The following DPH6 variants were observed in gnomAD, a reference collection of about 807,000 sequenced individuals.
The protein encoded by DPH6 is diphthine--ammonia ligase.
Under a neutral mutation model 38.2 loss-of-function variants are expected in DPH6, and 33 were observed. That is an observed-to-expected ratio of 0.86 (90% CI 0.65 to 1.15). The LOEUF is 1.15. DPH6 is among the 50% of genes most tolerant of loss of function. The pLI is 0.00. For synonymous variants in DPH6, 108 were observed against 103.0 expected, an observed-to-expected ratio of 1.05 and a Z score of -0.30; for missense variants, 325 against 320.0, an observed-to-expected ratio of 1.02 and a Z score of -0.12.
chr15:35,530,205 G>A (rs2141254411), intron 3 of DPH6, among the ~76,000 whole-genome samples: 1 of 151,720 alleles, frequency 6.6e-6, no homozygotes, highest in Non-Finnish European at 1.5e-5. Flanking sequence ...TGAAGTAGAA[G>A]ACTATAGGAC....
chr15:35,429,673 C>T (rs946608218), intron 5 of DPH6, among the ~76,000 whole-genome samples: 4 of 152,014 alleles, frequency 2.6e-5, no homozygotes, highest in African/African-American at 9.7e-5. Flanking sequence ...ACCACCCTTA[C>T]ATACACACAT....
chr15:35,294,975 T>G (rs2052005721), intron 3 of DPH6, among the ~76,000 whole-genome samples: 1 of 152,172 alleles, frequency 6.6e-6, no homozygotes, highest in African/African-American at 2.4e-5. Context: ...TTCCTCACAG[T>G]CCCAATCCTC....
intron 7 of DPH6, among the ~76,000 whole-genome samples, chr15:35,379,073 G>A (rs2140934670): frequency 6.6e-6 from 1 of 152,250 alleles, no homozygotes; most frequent in East Asian, 1.9e-4. Context: ...TTTCTAGCTT[G>A]TAGAAGCTTC....
At chr15:35,518,144 A>C (rs1351311770) in intron 3 of DPH6, among the ~76,000 whole-genome samples, 1 of 152,086 alleles carries the variant, frequency 6.6e-6, no homozygotes, top group Non-Finnish European at 1.5e-5. Flanking sequence ...TGCCAGGTAC[A>C]GAATTAGGCA....
At chr15:35,428,463 C>T (rs2053595019) in intron 5 of DPH6, among the ~76,000 whole-genome samples, 1 of 152,048 alleles carries the variant, frequency 6.6e-6, no homozygotes, top group African/African-American at 2.4e-5. Context: ...CAGTTCTACA[C>T]ACTCCAATTA....
At chr15:35,148,747 A>G in the DPH6 span, among the ~76,000 whole-genome samples, 1 of 152,194 alleles carries the variant, frequency 6.6e-6, no homozygotes, top group Non-Finnish European at 1.5e-5. Flanking sequence ...TGATACTTTC[A>G]GAGTAGGGAC....
chr15:35,154,949 G>A, the DPH6 span, among the ~76,000 whole-genome samples: 1 of 152,288 alleles, frequency 6.6e-6, no homozygotes, highest in South Asian at 2.1e-4. Context: ...GAAAAAATGT[G>A]AATAAGGGAG....
chr15:35,514,257 C>G (rs2054815671), intron 3 of DPH6, among the ~76,000 whole-genome samples: 1 of 152,002 alleles, frequency 6.6e-6, no homozygotes, highest in African/African-American at 2.4e-5. Context: ...AAAATATTTG[C>G]AAGTAACAGT....
At chr15:35,386,822 C>T (rs370146249) in intron 6 of DPH6, among the ~76,000 whole-genome samples, 1 of 152,154 alleles carries the variant, frequency 6.6e-6, no homozygotes, top group Admixed American at 6.5e-5. Flanking sequence ...GTTTCTTTTG[C>T]TGTGCAGAAG....
chr15:35,317,590 CAAA>C, intron 3 of DPH6, among the ~76,000 whole-genome samples: 1 of 73,768 alleles, frequency 1.4e-5, no homozygotes, highest in Admixed American at 1.5e-4. Context: ...TTCTGCTGGA[CAAA>C]AAAAAAAAAG....
chr15:35,450,186 C>A (rs1313609121), intron 5 of DPH6, among the ~76,000 whole-genome samples: 2 of 152,050 alleles, frequency 1.3e-5, no homozygotes, highest in Admixed American at 6.5e-5. Flanking sequence ...TTCTCACCAT[C>A]CCCAACAAAA....
At chr15:35,489,200 CA>C (rs1439669356) in intron 3 of DPH6, 5 of 382,170 alleles carry the variant, frequency 1.3e-5, no homozygotes, top group Non-Finnish European at 1.4e-5. Flanking sequence ...GACACTTCAA[CA>C]GAGAGATATA....
chr15:35,430,221 A>T (rs1286198726), intron 5 of DPH6, among the ~76,000 whole-genome samples: 1 of 152,146 alleles, frequency 6.6e-6, no homozygotes, highest in Non-Finnish European at 1.5e-5. Context: ...AGAAATAATA[A>T]TTGCACACTA....
chr15:35,253,604 C>A (rs759744025), intron 3 of DPH6, among the ~76,000 whole-genome samples: 1 of 152,164 alleles, frequency 6.6e-6, no homozygotes, highest in Non-Finnish European at 1.5e-5. Flanking sequence ...CTAAGTAATA[C>A]GCTAGTCACT....
At chr15:35,428,799 C>T (rs949986828) in intron 5 of DPH6, among the ~76,000 whole-genome samples, 3 of 152,056 alleles carry the variant, frequency 2.0e-5, no homozygotes, top group East Asian at 3.9e-4. Flanking sequence ...AAATAGCCCT[C>T]ATATGGTACC....
At chr15:35,541,757 A>T (rs2055256390) in intron 2 of DPH6, among the ~76,000 whole-genome samples, 1 of 152,298 alleles carries the variant, frequency 6.6e-6, no homozygotes, top group South Asian at 2.1e-4. Context: ...TAGCATTAAA[A>T]AGCAAATTGG....
At chr15:35,452,762 G>A (rs2053952264) in intron 4 of DPH6, among the ~76,000 whole-genome samples, 4 of 152,146 alleles carry the variant, frequency 2.6e-5, no homozygotes, top group Admixed American at 6.5e-5. Context: ...CATAATTGCA[G>A]AATGTAAAGT....
chr15:35,225,089 C>T (rs886467293), intron 3 of DPH6, among the ~76,000 whole-genome samples: 2 of 152,176 alleles, frequency 1.3e-5, no homozygotes, highest in Non-Finnish European at 2.9e-5. Context: ...TGGTCTATGA[C>T]AGTTTCTCAG....
chr15:35,167,577 A>ATTTTT, the DPH6 span, among the ~76,000 whole-genome samples: 4 of 150,618 alleles, frequency 2.7e-5, no homozygotes, highest in African/African-American at 9.7e-5. Flanking sequence ...TTTTTTAAAA[A>ATTTTT]AAAAAAAAAA....
Sources: gnomAD v4.1 joint callset for allele counts (sites outside exome capture counted in the v4.1 genomes callset) on GRCh38, gnomAD v4.1.1 for gene constraint, MANE v1.5 for transcripts, NCBI Gene and HGNC (gene_info 2026-07-23, HGNC 2026-07-21) for gene names.